The following TNN variants were observed in gnomAD, a reference collection of about 807,000 sequenced individuals.
TNN encodes the protein tenascin N.
In TNN, 122 loss-of-function variants were observed where a neutral mutation model predicts 134.4. That is an observed-to-expected ratio of 0.91 (90% CI 0.78 to 1.06). The LOEUF (loss-of-function observed/expected upper bound fraction) is 1.06. TNN is among the 50% of genes least tolerant of loss of function. TNN has a pLI of 0.00. For missense variants in TNN, 1,739 were observed against 1,699.4 expected (o/e 1.02, Z -0.41); for synonymous variants, 710 against 670.3 (o/e 1.06, Z -0.91).
In TNN at chr1:175,098,200, C is replaced by T. The variant is rs1316916461; in HGVS notation, c.1856-132C>T. The T allele has an allele frequency of 2.3e-5, 30 of 1,292,258 alleles. 1 individual carries two copies. The Middle Eastern group carries it at 5.7e-4, about 25-fold the overall frequency. 80.0% of individuals were successfully genotyped at this position (1,292,258 alleles called of 1,614,324 possible). ...GGCTACTTTCTCCTTAGACTCCCAG[C>T]GGAGACTCAGGATGAGAATGCCATT... On this transcript the variant is annotated intron_variant, in intron 8 of 18. Transcript: ENST00000239462.
intron 11 of TNN, among the ~76,000 whole-genome samples, chr1:175,121,656 A>C (rs770544680): frequency 4.6e-5 from 7 of 152,164 alleles, no homozygotes; most frequent in Non-Finnish European, 7.3e-5. Flanking sequence ...ATGATGGCAA[A>C]AGGGACAGAG....
rs567971988 is a variant in TNN, at chr1:175,128,654, G to T, written c.3238G>T (p.Ala1080Ser). The T allele has an allele frequency of 1.2e-6, 2 of 1,613,858 alleles. No individual in the cohort carries two copies. Among genetic ancestry groups the T allele is most frequent in the Admixed American group, 1.7e-5 (1 of 59,978 alleles). The stretch of plus-strand genomic sequence containing the variant: ...TCAGGTTCAGCAGAACAGCAATGCC[G>T]CCAGTGGTCTGTACACCATCTACCT... ...CSQVQQNSNAASGLYTIYLHG... is the reference protein window; with the variant it reads ...CSQVQQNSNASSGLYTIYLHG... The change falls in exon 15 of 19, where the codon GCC (alanine) becomes TCC (serine). Residue 1080 changes from alanine (A) to serine (S), a missense_variant. Transcript: ENST00000239462.
At chr1:175,087,596 C>G in intron 6 of TNN, among the ~76,000 whole-genome samples, 1 of 152,252 alleles carries the variant, frequency 6.6e-6, no homozygotes, top group African/African-American at 2.4e-5. Flanking sequence ...TTCTCTTACA[C>G]AGTCAACACA....
In TNN at chr1:175,094,116, C is replaced by A; in HGVS notation, c.1451C>A (p.Thr484Asn). 5.0e-6 allele frequency: 8 copies of A among 1,614,092 alleles called. No individual in the cohort carries two copies. The highest frequency in any genetic ancestry group is 5.1e-6 in the Non-Finnish European group (6 of 1,180,020). The change falls in exon 7 of 19, where the codon ACC becomes AAC. Residue 484 changes from threonine (T) to asparagine (N), a missense_variant. Coordinates refer to ENST00000239462, the MANE Select transcript of TNN (RefSeq NM_022093.2). The part of the protein sequence containing the change: ...VVRYTSADGD[T>N]KEMAVHKDES... ...CGCTACACTTCTGCTGATGGGGACA[C>A]CAAGGAAATGGCAGTGCACAAGGAT...
At position 175,147,700 on chromosome 1, in the gene TNN, C is replaced by T. The variant is rs935336293; in HGVS notation, c.*629C>T. 6.6e-6 allele frequency: 1 copy of T among 152,226 alleles called. No homozygotes were observed. Among genetic ancestry groups the T allele is most frequent in the Admixed American group, 6.5e-5 (1 of 15,288 alleles). The allele number at this position is 152,226 out of a possible 1,614,324, so 9.4% of individuals were successfully genotyped here. On this transcript the variant is annotated 3_prime_UTR_variant, in exon 19 of 19. Transcript: ENST00000239462. ...CGCCTTACTGCTATTTTTAAGTGCC[C>T]TCTTTTCAGTCATTTGCATAATTGC... is the stretch of plus-strand genomic sequence containing the variant.
intron 4 of TNN, among the ~76,000 whole-genome samples, chr1:175,083,254 G>A (rs929126): frequency 0.55 from 83,000 of 152,070 alleles, 23,194 homozygotes; most frequent in African/African-American, 0.68. Flanking sequence ...GGAGATGGAG[G>A]AAGGAGCTTG....
At chr1:175,081,955 T>A (rs1674206224) in intron 4 of TNN, among the ~76,000 whole-genome samples, 1 of 152,168 alleles carries the variant, frequency 6.6e-6, no homozygotes, top group Non-Finnish European at 1.5e-5. Flanking sequence ...TTCAGCTATT[T>A]GTGTGGTTTG....
intron 15 of TNN, 22 bp downstream of exon 15, chr1:175,128,768 G>A: frequency 1.2e-6 from 2 of 1,604,528 alleles, no homozygotes; most frequent in Non-Finnish European, 1.7e-6. Flanking sequence ...AGAACCCTGG[G>A]GAGCTCTGTG....
At chr1:175,093,866 G>C in intron 6 of TNN, 124 bp from the exon 7 acceptor site, 1 of 951,292 alleles carries the variant, frequency 1.1e-6, no homozygotes, top group Non-Finnish European at 1.5e-6. Flanking sequence ...ATGATGGAGA[G>C]ACCCCCTTGT....
chr1:175,068,875 T>A (rs1293771912), intron 1 of TNN, among the ~76,000 whole-genome samples: 1 of 151,998 alleles, frequency 6.6e-6, no homozygotes, highest in African/African-American at 2.4e-5. Context: ...ACCATTGCAC[T>A]CCAGCCTGGG....
intron 4 of TNN, among the ~76,000 whole-genome samples, chr1:175,082,391 T>C (rs13373936): frequency 0.28 from 42,936 of 152,176 alleles, 6,170 homozygotes; most frequent in South Asian, 0.33. Flanking sequence ...ATCCCCACCA[T>C]AATCGTGAAC....
chr1:175,123,036 T>C (rs1675416803), intron 11 of TNN, among the ~76,000 whole-genome samples: 1 of 152,220 alleles, frequency 6.6e-6, no homozygotes, highest in Non-Finnish European at 1.5e-5. Context: ...GGATATGACT[T>C]CTTGGCTCTC....
At chr1:175,080,107 G>A in intron 3 of TNN, 56 bp from the exon 4 acceptor site, 1 of 1,595,802 alleles carries the variant, frequency 6.3e-7, no homozygotes, top group Non-Finnish European at 8.5e-7. Flanking sequence ...ATACTCACTG[G>A]GTCTGGATCG....
chr1:175,109,415 G>A (rs1425848116), intron 9 of TNN, among the ~76,000 whole-genome samples: 1 of 151,950 alleles, frequency 6.6e-6, no homozygotes, highest in Non-Finnish European at 1.5e-5. Context: ...AAACCCTTAA[G>A]CCAACCTGTG....
At chr1:175,131,240 A>G (rs1675667220) in intron 15 of TNN, among the ~76,000 whole-genome samples, 1 of 152,226 alleles carries the variant, frequency 6.6e-6, no homozygotes. Context: ...ACATCAGGGA[A>G]CACTTAATGT....
intron 9 of TNN, among the ~76,000 whole-genome samples, chr1:175,109,072 A>ATTATTTTTTT: frequency 1.6e-5 from 1 of 61,982 alleles, no homozygotes; most frequent in African/African-American, 6.7e-5. Context: ...ATCTAACTGT[A>ATTATTTTTTT]TTTTTTTTTT....
intron 6 of TNN, among the ~76,000 whole-genome samples, chr1:175,088,618 AG>A (rs1240472684): frequency 6.6e-6 from 1 of 152,204 alleles, no homozygotes; most frequent in East Asian, 1.9e-4. Flanking sequence ...TCCTGTAGCC[AG>A]ACTGTTTGTG....
At chr1:175,143,926 G>T (rs564079483) in intron 17 of TNN, among the ~76,000 whole-genome samples, 1 of 126,870 alleles carries the variant, frequency 7.9e-6, no homozygotes, top group African/African-American at 2.7e-5. Context: ...CAGAGACATA[G>T]GGGTGTATGT....
intron 18 of TNN, among the ~76,000 whole-genome samples, 196 bp from the exon 19 acceptor site, chr1:175,146,735 G>T (rs990858154): frequency 2.0e-5 from 3 of 151,906 alleles, no homozygotes; most frequent in Non-Finnish European, 4.4e-5. Context: ...AACCCCAGCT[G>T]CCCAGCAGAG....
Sources: allele counts gnomAD v4.1 joint callset (sites outside exome capture counted in the v4.1 genomes callset), GRCh38; gene constraint gnomAD v4.1.1; transcripts MANE v1.5; gene names NCBI Gene and HGNC (gene_info 2026-07-23, HGNC 2026-07-21).